KATNIP: variants seen among roughly 807,000 people sequenced by gnomAD.
KATNIP encodes katanin-interacting protein.
In KATNIP, 126 loss-of-function variants were observed where a neutral mutation model predicts 174.0. That is an observed-to-expected ratio of 0.72 (90% CI 0.63 to 0.84). The LOEUF (loss-of-function observed/expected upper bound fraction) is 0.84, where lower values mean the gene tolerates loss of function less well. Among genes scored for constraint, KATNIP ranks in the 40% least tolerant of loss-of-function variants. The pLI, the probability that KATNIP is intolerant of heterozygous loss-of-function variation, is 0.00. For missense variants in KATNIP, 1,958 were observed against 2,109.7 expected (o/e 0.93, Z 1.41); for synonymous variants, 810 against 835.7 (o/e 0.97, Z 0.53).
At chr16:27,761,863 AT>A (rs2081966974) in intron 19 of KATNIP, among the ~76,000 whole-genome samples, 2 of 152,136 alleles carry the variant, frequency 1.3e-5, no homozygotes, top group Non-Finnish European at 2.9e-5. Context: ...CATGGTCTGC[AT>A]TTTCTTCTCT....
chr16:27,778,744 GA>G lies in KATNIP; in HGVS notation c.*116del. The G allele has an allele frequency of 9.9e-7, 1 of 1,012,116 alleles. No homozygotes were observed. The highest frequency in any genetic ancestry group is 1.5e-6 in the Non-Finnish European group (1 of 678,494). The allele number at this position is 1,012,116 out of a possible 1,614,324, so 62.7% of individuals were successfully genotyped here. ...GGAGCTGGAAGCGAACCACAGTGTT[GA>G]GGGGAGCCCGCTGGGAAGAGGGGAC... On this transcript the variant is annotated 3_prime_UTR_variant, in exon 28 of 28. Coordinates refer to ENST00000261588, the MANE Select transcript of KATNIP (RefSeq NM_015202.5).
chr16:27,564,924 C>T (rs932719927), intron 1 of KATNIP, among the ~76,000 whole-genome samples: 14 of 152,006 alleles, frequency 9.2e-5, no homozygotes, highest in East Asian at 2.0e-4. Context: ...CCACCACACC[C>T]GGCTAATTTT....
At chr16:27,757,488 C>T (rs2081780948) in intron 18 of KATNIP, 3 of 985,198 alleles carry the variant, frequency 3.0e-6, no homozygotes, top group African/African-American at 3.5e-5. Flanking sequence ...GATGATTTCC[C>T]CAAAGATGCT....
At chr16:27,563,487 C>T (rs1295152848) in intron 1 of KATNIP, among the ~76,000 whole-genome samples, 1 of 152,100 alleles carries the variant, frequency 6.6e-6, no homozygotes, top group Non-Finnish European at 1.5e-5. Flanking sequence ...CACTGCAGTC[C>T]AGCCTGGGCA....
At position 27,681,458 on chromosome 16, in the gene KATNIP, C is replaced by T; in HGVS notation, c.868C>T (p.Pro290Ser). 2 of 1,614,136 alleles carry T rather than the reference C, an allele frequency of 1.2e-6. No individual in the cohort carries two copies. The highest frequency in any genetic ancestry group is 1.7e-6 in the Non-Finnish European group (2 of 1,179,996). ...GAAGGACAATGCTGAGGTTTTCGTT[C>T]CCACCAAACCTGAGCCAAACCTGAC... ...KRKDNAEVFV[P>S]TKPEPNLTPQ... The change falls in exon 8 of 28, where the codon CCC (proline) becomes TCC (serine). Residue 290 changes from proline (P) to serine (S), a missense_variant. Around this residue, in one of 3 missense-constraint regions of KATNIP, gnomAD observed 1,557 missense variants for 1,617.8 expected, o/e 0.96. Coordinates refer to ENST00000261588, the MANE Select transcript of KATNIP (RefSeq NM_015202.5).
rs111922492 is a variant in KATNIP at position 27,614,180 on chromosome 16, C to T, written c.64-4245C>T. 9.4e-3 allele frequency among the ~76,000 whole-genome samples: 1,412 copies of T among 150,264 alleles called. 19 individuals are homozygous for T. The highest frequency in any genetic ancestry group is 0.033 in the African/African-American group (1,341 of 40,818). On this transcript the variant is annotated intron_variant, in intron 2 of 27. Transcript: ENST00000261588. ...GCAACCTCCAACCCCCGGGTTCAAGCGATTCTCCTGAGTCTTGCTCTGTTT... is the reference window on the plus strand; with the variant it reads ...GCAACCTCCAACCCCCGGGTTCAAGTGATTCTCCTGAGTCTTGCTCTGTTT...
chr16:27,729,305 T>A (rs2080570181), intron 14 of KATNIP, among the ~76,000 whole-genome samples: 1 of 152,154 alleles, frequency 6.6e-6, no homozygotes, highest in Admixed American at 6.5e-5. Flanking sequence ...GGTTCATGCT[T>A]ATTTCAGCAG....
chr16:27,677,488 G>A (rs896035734), intron 6 of KATNIP, among the ~76,000 whole-genome samples: 2 of 148,622 alleles, frequency 1.3e-5, no homozygotes, highest in Non-Finnish European at 3.0e-5. Context: ...CCTTCCCCCG[G>A]CATCTCCGGG....
At chr16:27,726,691 G>A (rs34342175) in intron 14 of KATNIP, among the ~76,000 whole-genome samples, 16,809 of 152,254 alleles carry the variant, frequency 0.11, 1,170 homozygotes, top group Middle Eastern at 0.2. Flanking sequence ...AGGGCCACAG[G>A]GAGGAGGAGG....
intron 2 of KATNIP, among the ~76,000 whole-genome samples, chr16:27,615,634 G>A (rs1289475778): frequency 1.3e-5 from 2 of 152,124 alleles, no homozygotes; most frequent in Non-Finnish European, 2.9e-5. Context: ...GATTACAGGC[G>A]TGAGCCACTG....
chr16:27,699,451 T>C, intron 9 of KATNIP, 83 bp from the exon 10 acceptor site: 5 of 1,578,610 alleles, frequency 3.2e-6, no homozygotes, highest in Non-Finnish European at 4.3e-6. Context: ...TCCCTGCCCT[T>C]TTCTGTGCCC....
chr16:27,701,020 A>T (rs897057493), intron 10 of KATNIP, among the ~76,000 whole-genome samples: 5 of 152,186 alleles, frequency 3.3e-5, no homozygotes, highest in African/African-American at 1.2e-4. Flanking sequence ...AGCGTCGATG[A>T]CAAATGAAAA....
intron 2 of KATNIP, among the ~76,000 whole-genome samples, chr16:27,577,994 C>T (rs1277721692): frequency 6.6e-6 from 1 of 152,180 alleles, no homozygotes; most frequent in Non-Finnish European, 1.5e-5. Context: ...TTCATTCATA[C>T]ATTTATTCAT....
intron 12 of KATNIP, 60 bp from the exon 13 acceptor site, chr16:27,708,645 A>G (rs1289828533): frequency 7.2e-7 from 1 of 1,394,052 alleles, no homozygotes; most frequent in African/African-American, 1.4e-5. Context: ...TGGCAGAGGC[A>G]GAGCCGAATT....
At chr16:27,596,658 C>T (rs759793590) in intron 2 of KATNIP, among the ~76,000 whole-genome samples, 2 of 152,136 alleles carry the variant, frequency 1.3e-5, no homozygotes, top group East Asian at 1.9e-4. Context: ...AGGCTGTTTT[C>T]GTGCATTACT....
At position 27,695,227 on chromosome 16, in the gene KATNIP, C is replaced by T. The variant is rs538250541; in HGVS notation, c.941-3101C>T. Among the ~76,000 whole-genome samples the T allele has an allele frequency of 2.0e-5, 3 of 152,370 alleles. No individual in the cohort carries two copies. The South Asian group carries it at 6.2e-4, about 32-fold the overall frequency. Reference sequence around the variant, plus strand: ...TCACCTCCTTTCAGTCTCTTCTCCACTCTGCACCTACATCAGATCTGGTCT... The same window carrying T: ...TCACCTCCTTTCAGTCTCTTCTCCATTCTGCACCTACATCAGATCTGGTCT... On this transcript the variant is annotated intron_variant, in intron 8 of 27. Transcript: ENST00000261588.
chr16:27,587,866 C>A (rs2090957476), intron 2 of KATNIP, among the ~76,000 whole-genome samples: 1 of 151,358 alleles, frequency 6.6e-6, no homozygotes, highest in Admixed American at 6.6e-5. Flanking sequence ...ATATTTCTTT[C>A]TAGCTTTTTT....
chr16:27,722,559 AT>A (rs1166286859), intron 14 of KATNIP, among the ~76,000 whole-genome samples: 1 of 152,180 alleles, frequency 6.6e-6, no homozygotes, highest in African/African-American at 2.4e-5. Context: ...CACTTGGCCT[AT>A]CTGCCCCTCT....
At chr16:27,775,324 A>G (rs2082457930) in intron 24 of KATNIP, among the ~76,000 whole-genome samples, 1 of 152,170 alleles carries the variant, frequency 6.6e-6, no homozygotes, top group African/African-American at 2.4e-5. Context: ...TCCCATGGGA[A>G]TCTGAAGCCA....
Sources: gnomAD v4.1 joint callset for allele counts (sites outside exome capture counted in the v4.1 genomes callset) on GRCh38, gnomAD v4.1.1 for gene constraint, gnomAD v4.1.1 regional missense constraint, MANE v1.5 for transcripts, NCBI Gene and HGNC (gene_info 2026-07-23, HGNC 2026-07-21) for gene names.